The following RXFP1 variants were observed in gnomAD, a reference collection of about 807,000 sequenced individuals.
RXFP1 encodes the protein relaxin family peptide receptor 1, also known as relaxin receptor 1.
Under a neutral mutation model 89.8 loss-of-function variants are expected in RXFP1, and 73 were observed. That is an observed-to-expected ratio of 0.81 (90% confidence interval 0.67 to 0.99). The LOEUF (loss-of-function observed/expected upper bound fraction) is 0.99, where lower values mean the gene tolerates loss of function less well. Ranked by LOEUF, RXFP1 falls within the 50% of genes least tolerant of loss-of-function variation. The pLI is 0.00. For missense variants in RXFP1, 793 were observed against 895.5 expected (o/e 0.89, Z 1.46); for synonymous variants, 277 against 305.5 (o/e 0.91, Z 0.97).
intron 3 of RXFP1, among the ~76,000 whole-genome samples, chr4:158,597,894 C>T (rs55779706): frequency 0.13 from 20,422 of 152,202 alleles, 1,788 homozygotes; most frequent in Non-Finnish European, 0.2. Flanking sequence ...ACATCCACAA[C>T]CAAAGTGGGT....
At chr4:158,576,550 GA>G (rs1756245914) in intron 2 of RXFP1, among the ~76,000 whole-genome samples, 1 of 152,072 alleles carries the variant, frequency 6.6e-6, no homozygotes, top group Non-Finnish European at 1.5e-5. Context: ...GCTAAGTTTT[GA>G]GAACCATGAA....
rs114082622 is a variant in RXFP1 at position 158,551,706 on chromosome 4, C to T, written c.50-20992C>T. Among the ~76,000 whole-genome samples, 746 of 152,168 alleles carry T rather than the reference C, an allele frequency of 4.9e-3. 7 individuals are homozygous for T. The highest frequency in any genetic ancestry group is 0.017 in the African/African-American group (708 of 41,522). ...CTGTAATCCCAGCACTTTGAGCGGCCGAGGTGAAAGTATGCTTGATCCCAG... is the reference window on the plus strand; with the variant it reads ...CTGTAATCCCAGCACTTTGAGCGGCTGAGGTGAAAGTATGCTTGATCCCAG... On this transcript the variant is annotated intron_variant, in intron 1 of 17. Coordinates refer to ENST00000307765, the MANE Select transcript of RXFP1 (RefSeq NM_021634.4).
At chr4:158,587,971 C>A (rs1225567425) in intron 2 of RXFP1, among the ~76,000 whole-genome samples, 1 of 152,082 alleles carries the variant, frequency 6.6e-6, no homozygotes, top group Non-Finnish European at 1.5e-5. Flanking sequence ...AGATATGAAA[C>A]AAGTTTACAA....
chr4:158,649,953 C>T (rs903647712), intron 17 of RXFP1, among the ~76,000 whole-genome samples: 1 of 152,208 alleles, frequency 6.6e-6, no homozygotes, highest in Non-Finnish European at 1.5e-5. Flanking sequence ...TTCATTGCAG[C>T]ATTATTCACA....
intron 5 of RXFP1, among the ~76,000 whole-genome samples, chr4:158,606,516 G>A (rs572201859): frequency 1.8e-4 from 27 of 152,254 alleles, no homozygotes; most frequent in African/African-American, 5.1e-4. Context: ...ACAAACAAAT[G>A]CATGATAAAT....
intron 9 of RXFP1, among the ~76,000 whole-genome samples, chr4:158,620,908 C>G (rs1443425220): frequency 6.6e-6 from 1 of 152,094 alleles, no homozygotes; most frequent in Non-Finnish European, 1.5e-5. Flanking sequence ...ATCCCTTGAG[C>G]TCAGGAGTTT....
intron 2 of RXFP1, among the ~76,000 whole-genome samples, chr4:158,583,590 G>GT (rs1251294657): frequency 3.9e-5 from 6 of 152,160 alleles, no homozygotes; most frequent in Non-Finnish European, 8.8e-5. Flanking sequence ...ATCATGCATT[G>GT]TATTTTCAAA....
intron 1 of RXFP1, among the ~76,000 whole-genome samples, chr4:158,551,892 G>A (rs1178094420): frequency 6.6e-6 from 1 of 150,546 alleles, no homozygotes; most frequent in African/African-American, 2.4e-5. Flanking sequence ...AGTGAGCCGA[G>A]ATCACACACT....
intron 2 of RXFP1, among the ~76,000 whole-genome samples, chr4:158,591,052 T>A (rs1030507990): frequency 6.6e-6 from 1 of 152,162 alleles, no homozygotes; most frequent in South Asian, 2.1e-4. Context: ...TAGATATCCA[T>A]GAGGCTGGTG....
At chr4:158,549,912 G>A (rs955231291) in intron 1 of RXFP1, among the ~76,000 whole-genome samples, 4 of 152,236 alleles carry the variant, frequency 2.6e-5, no homozygotes, top group African/African-American at 7.2e-5. Context: ...ACCCACTTGA[G>A]GAGGCAGTCT....
intron 13 of RXFP1, 40 bp downstream of exon 13, chr4:158,638,119 G>A (rs774608120): frequency 8.4e-7 from 1 of 1,195,416 alleles, no homozygotes; most frequent in Non-Finnish European, 1.2e-6. Flanking sequence ...TGATAAAATT[G>A]TTTTTTAAAT....
intron 4 of RXFP1, among the ~76,000 whole-genome samples, chr4:158,601,844 A>G (rs1761743872): frequency 6.6e-6 from 1 of 152,246 alleles, no homozygotes; most frequent in African/African-American, 2.4e-5. Context: ...AAAACAGGCA[A>G]ACATAGATAG....
rs113044799 is a variant in RXFP1, at chr4:158,559,749, A to G, written c.50-12949A>G. On this transcript the variant is annotated intron_variant, in intron 1 of 17. Transcript: ENST00000307765. ...TCATAGAATTGCAGTTGTCTTTTCA[A>G]TGGCAAATTGGTATCTTTACACAAT... Among the ~76,000 whole-genome samples the G allele has an allele frequency of 3.2e-3, 491 of 152,346 alleles. 4 individuals are homozygous for G. The highest frequency in any genetic ancestry group is 0.011 in the African/African-American group (457 of 41,586).
chr4:158,524,136 CACA>C (rs1422257022), intron 1 of RXFP1, among the ~76,000 whole-genome samples: 2 of 152,148 alleles, frequency 1.3e-5, no homozygotes, highest in Admixed American at 6.6e-5. Flanking sequence ...CCTGAATCTT[CACA>C]ACAACTCTAT....
chr4:158,611,254 T>G (rs893734340), intron 6 of RXFP1, among the ~76,000 whole-genome samples: 1 of 152,152 alleles, frequency 6.6e-6, no homozygotes, highest in East Asian at 1.9e-4. Context: ...AATCAAACTG[T>G]TCGATAGCAG....
intron 1 of RXFP1, among the ~76,000 whole-genome samples, chr4:158,526,101 C>T (rs1384732001): frequency 6.6e-6 from 1 of 152,222 alleles, no homozygotes; most frequent in African/African-American, 2.4e-5. Flanking sequence ...CCTCCCCATC[C>T]AAGGCAAGTT....
chr4:158,563,075 T>C (rs1181674496), intron 1 of RXFP1, among the ~76,000 whole-genome samples: 1 of 152,204 alleles, frequency 6.6e-6, no homozygotes, highest in African/African-American at 2.4e-5. Context: ...ATCCATCCTT[T>C]AAGGATATGA....
chr4:158,579,218 T>G (rs1756852473), intron 2 of RXFP1, among the ~76,000 whole-genome samples: 2 of 151,976 alleles, frequency 1.3e-5, no homozygotes. Context: ...CACTGACACC[T>G]TGGTTGCAGA....
Position 158,605,128 on chromosome 4 carries a change from T to C in RXFP1, c.453T>C (p.Asp151=), listed in dbSNP as rs1056219965. ...LPPDCFKNYH[D]LQKLYLQNNK... ...CTGATTGCTTCAAGAATTATCATGATCTTCAGAAGCTGTAAGAAAATACTT... is the reference window on the plus strand; with the variant it reads ...CTGATTGCTTCAAGAATTATCATGACCTTCAGAAGCTGTAAGAAAATACTT... Residue 151 remains aspartate, a synonymous_variant, in exon 5 of 18, where the codon GAT becomes GAC. Transcript: ENST00000307765. The C allele has an allele frequency of 3.1e-6, 5 of 1,588,190 alleles. No individual in the cohort carries two copies. The highest frequency in any genetic ancestry group is 4.3e-6 in the Non-Finnish European group (5 of 1,160,414).
Sources: allele counts gnomAD v4.1 joint callset (sites outside exome capture counted in the v4.1 genomes callset), GRCh38; gene constraint gnomAD v4.1.1; transcripts MANE v1.5; gene names NCBI Gene and HGNC (gene_info 2026-07-23, HGNC 2026-07-21).